Variants in TNIK observed in about 807,000 individuals in gnomAD.
TNIK encodes the protein TRAF2 and NCK-interacting protein kinase.
A neutral mutation model predicts 191.3 loss-of-function variants in TNIK; 49 were observed. That is an observed-to-expected ratio of 0.26 (90% CI 0.20 to 0.32). The LOEUF (loss-of-function observed/expected upper bound fraction) is 0.32. TNIK is among the 10% of genes least tolerant of loss of function. TNIK has a pLI of 1.00. For synonymous variants in TNIK, 594 were observed against 600.9 expected, an observed-to-expected ratio of 0.99 and a Z score of 0.17; for missense variants, 1,155 against 1,702.3, an observed-to-expected ratio of 0.68 and a Z score of 5.66.
At chr3:171,113,325 G>T (rs1244976699) in intron 18 of TNIK, among the ~76,000 whole-genome samples, 1 of 152,066 alleles carries the variant, frequency 6.6e-6, no homozygotes, top group Non-Finnish European at 1.5e-5. Flanking sequence ...TGCTAATTCG[G>T]CCAGGCACGG....
chr3:171,100,312 T>C (rs954970003), intron 22 of TNIK, among the ~76,000 whole-genome samples: 4 of 152,312 alleles, frequency 2.6e-5, no homozygotes, highest in Admixed American at 2.6e-4. Context: ...TTTAGAGCTG[T>C]CAGCAACTGG....
At chr3:171,397,337 C>T (rs1177062064) in intron 1 of TNIK, among the ~76,000 whole-genome samples, 1 of 152,210 alleles carries the variant, frequency 6.6e-6, no homozygotes, top group East Asian at 1.9e-4. Flanking sequence ...CATTATTCAC[C>T]TTTACATTAG....
intron 1 of TNIK, among the ~76,000 whole-genome samples, chr3:171,393,864 G>C (rs778743689): frequency 6.6e-6 from 1 of 152,100 alleles, no homozygotes; most frequent in Non-Finnish European, 1.5e-5. Context: ...TCTTTTGACC[G>C]ATATTTATTA....
intron 21 of TNIK, among the ~76,000 whole-genome samples, chr3:171,102,473 C>T (rs1423643102): frequency 6.6e-6 from 1 of 152,106 alleles, no homozygotes; most frequent in East Asian, 1.9e-4. Context: ...AGGCAGTGTG[C>T]TGAATATCCG....
At chr3:171,265,562 A>G (rs1276749049) in intron 2 of TNIK, among the ~76,000 whole-genome samples, 3 of 152,210 alleles carry the variant, frequency 2.0e-5, no homozygotes, top group Non-Finnish European at 4.4e-5. Context: ...GAAGAAAGCC[A>G]CTCTTAAAGT....
At chr3:171,270,206 A>G (rs973555390) in intron 2 of TNIK, among the ~76,000 whole-genome samples, 6 of 152,178 alleles carry the variant, frequency 3.9e-5, no homozygotes, top group African/African-American at 1.4e-4. Flanking sequence ...CACTCACTAA[A>G]TTTTAAGTTC....
At chr3:171,314,466 C>T (rs1418141231) in intron 2 of TNIK, among the ~76,000 whole-genome samples, 1 of 152,184 alleles carries the variant, frequency 6.6e-6, no homozygotes, top group African/African-American at 2.4e-5. Context: ...GTTGCCATCC[C>T]ATTTCTGCCT....
intron 1 of TNIK, chr3:171,439,743 G>C (rs1475435483): frequency 6.6e-6 from 1 of 152,156 alleles, no homozygotes; most frequent in Admixed American, 6.5e-5. Flanking sequence ...ATAGTTCTTG[G>C]AACTGCAAAG....
At chr3:171,105,451 G>A (rs961294383) in intron 21 of TNIK, among the ~76,000 whole-genome samples, 1 of 152,308 alleles carries the variant, frequency 6.6e-6, no homozygotes, top group Admixed American at 6.5e-5. Flanking sequence ...AGGAGTGGAG[G>A]AATCAGCCGT....
rs535395459 is a variant in TNIK, at chr3:171,130,719, A to AT, written c.1609-1842dup. Reference sequence around the variant, plus strand: ...TTGGTCAAATATTATCCATTTTCTTATTTTCAGGGTAGATCATTAATAGAT... The same window carrying AT: ...TTGGTCAAATATTATCCATTTTCTTATTTTTCAGGGTAGATCATTAATAGAT... On this transcript the variant is annotated intron_variant, in intron 15 of 32. Coordinates refer to ENST00000436636, the MANE Select transcript of TNIK (RefSeq NM_015028.4). Among the ~76,000 whole-genome samples, 216 of 152,256 alleles carry AT rather than the reference A, an allele frequency of 1.4e-3. 1 individual carries two copies. The highest frequency in any genetic ancestry group is 2.3e-3 in the Non-Finnish European group (159 of 68,004).
chr3:171,116,396 C>T (rs1726701738), intron 18 of TNIK, among the ~76,000 whole-genome samples: 1 of 152,226 alleles, frequency 6.6e-6, no homozygotes, highest in Non-Finnish European at 1.5e-5. Flanking sequence ...TTAGTTCAGA[C>T]ATTTGCCATC....
intron 2 of TNIK, among the ~76,000 whole-genome samples, chr3:171,316,732 T>C (rs1323515573): frequency 6.6e-6 from 1 of 151,996 alleles, no homozygotes; most frequent in Non-Finnish European, 1.5e-5. Flanking sequence ...GGAAAAAATA[T>C]ATAGGAATGG....
At chr3:171,172,077 T>C (rs1439109661) in intron 9 of TNIK, among the ~76,000 whole-genome samples, 2 of 152,128 alleles carry the variant, frequency 1.3e-5, no homozygotes, top group African/African-American at 4.8e-5. Flanking sequence ...CCCTCCACGA[T>C]GACAGTGGAA....
Position 171,066,552 on chromosome 3 carries a change from G to A in TNIK, c.3859+24C>T, listed in dbSNP as rs563956782. On this transcript the variant is annotated intron_variant, in intron 31 of 32. Coordinates refer to ENST00000436636, the MANE Select transcript of TNIK (RefSeq NM_015028.4). ...TCATTTGGGGGGTGTAACTGCTGAA[G>A]GAGATAAGGAATGGTTAACCTACCC... The A allele has an allele frequency of 2.4e-5, 38 of 1,612,706 alleles. No homozygotes were observed. In the Middle Eastern group the frequency reaches 5.0e-4, roughly 21 times the overall value.
chr3:171,237,962 A>C (rs922799765), intron 2 of TNIK, among the ~76,000 whole-genome samples: 2 of 152,294 alleles, frequency 1.3e-5, no homozygotes, highest in African/African-American at 4.8e-5. Flanking sequence ...AGACAGCAAC[A>C]TTCTTTAACA....
At chr3:171,186,728 G>T (rs1737410641) in intron 7 of TNIK, among the ~76,000 whole-genome samples, 1 of 152,014 alleles carries the variant, frequency 6.6e-6, no homozygotes, top group Admixed American at 6.5e-5. Context: ...AATGTCTCAG[G>T]ATACTTTTAT....
At chr3:171,357,569 T>TG (rs1348723726) in intron 2 of TNIK, among the ~76,000 whole-genome samples, 1 of 149,926 alleles carries the variant, frequency 6.7e-6, no homozygotes, top group East Asian at 1.9e-4. Context: ...TTTTTTTTTT[T>TG]GGTACATATT....
At chr3:171,303,675 A>G (rs1215649741) in intron 2 of TNIK, among the ~76,000 whole-genome samples, 1 of 152,122 alleles carries the variant, frequency 6.6e-6, no homozygotes, top group African/African-American at 2.4e-5. Flanking sequence ...CCAAGGCTCA[A>G]CTCAGACTTT....
chr3:171,235,412 C>A (rs1452173564), intron 2 of TNIK, among the ~76,000 whole-genome samples: 2 of 152,098 alleles, frequency 1.3e-5, no homozygotes, highest in African/African-American at 4.8e-5. Context: ...CAAAAGATGG[C>A]GACAAAGTAT....
Sources: allele counts gnomAD v4.1 joint callset (sites outside exome capture counted in the v4.1 genomes callset), GRCh38; gene constraint gnomAD v4.1.1; transcripts MANE v1.5; gene names NCBI Gene and HGNC (gene_info 2026-07-23, HGNC 2026-07-21).